Variants in ABCA1 observed in about 807,000 individuals in gnomAD.
ABCA1 encodes ATP binding cassette subfamily A member 1.
Under a neutral mutation model 262.5 loss-of-function variants are expected in ABCA1, and 133 were observed. The observed-to-expected ratio is 0.51, with a 90% CI of 0.44 to 0.59. The LOEUF (loss-of-function observed/expected upper bound fraction) is 0.59. ABCA1 is among the 20% of genes least tolerant of loss of function. The probability of loss-of-function intolerance (pLI) is 0.00; values close to 1 mark genes in which losing one functional copy is unlikely to be tolerated. For synonymous variants in ABCA1, 1,022 were observed against 1,043.5 expected (o/e 0.98, Z 0.40); for missense variants, 2,452 against 2,777.5 (o/e 0.88, Z 2.63).
intron 24 of ABCA1, 58 bp from the exon 25 acceptor site, chr9:104,816,403 G>A (rs979442969): frequency 6.5e-5 from 100 of 1,542,822 alleles, no homozygotes; most frequent in Middle Eastern, 2.3e-4. Flanking sequence ...TCGGAGTGAG[G>A]GCTGGCCATC....
At chr9:104,896,448 T>C (rs1229008812) in intron 2 of ABCA1, among the ~76,000 whole-genome samples, 1 of 152,170 alleles carries the variant, frequency 6.6e-6, no homozygotes, top group Admixed American at 6.5e-5. Context: ...CAAGCTAATT[T>C]ATAGATTTAA....
Position 104,837,000 on chromosome 9 carries a change from G to C in ABCA1, c.1291C>G (p.Gln431Glu), listed in dbSNP as rs779133281. 10 of 1,613,840 alleles carry C rather than the reference G, an allele frequency of 6.2e-6. No homozygotes were observed. The highest frequency in any genetic ancestry group is 2.2e-5 in the South Asian group (2 of 91,072). ...CTCACCCGGACAAGGTCCATTTCTT[G>C]GCTGTTCTCCATGAAGGTCCAGATC... The part of the protein sequence containing the change: ...PKIWTFMENS[Q>E]EMDLVRMLLD... Residue 431 changes from glutamine (Q) to glutamate (E), a missense_variant, in exon 11 of 50, where the codon CAA (glutamine) becomes GAA (glutamate). Physicochemically the swap from Gln to Glu is conservative, Grantham distance 29 (BLOSUM62 2). Transcript: ENST00000374736.
intron 36 of ABCA1, chr9:104,799,301 T>C (rs1381063726): frequency 5.4e-6 from 2 of 371,046 alleles, no homozygotes; most frequent in African/African-American, 2.2e-5. Context: ...TTTAATATCA[T>C]ACATCTATAA....
Position 104,809,577 on chromosome 9 carries a change from G to A in ABCA1, c.4176-13C>T. On this transcript the variant is annotated splice_polypyrimidine_tract_variant and intron_variant, in intron 29 of 49. Transcript: ENST00000374736. The stretch of plus-strand genomic sequence containing the variant: ...AGGAGCATCATTGCTGTGGGTACAT[G>A]AGAGGCAGCCAGCTTAGTAATTCAT... 1 of 1,607,436 alleles carries A rather than the reference G, an allele frequency of 6.2e-7. No homozygotes were observed. Among genetic ancestry groups the A allele is most frequent in the Non-Finnish European group, 8.5e-7 (1 of 1,173,848 alleles).
chr9:104,881,654 C>T lies in ABCA1; in HGVS notation c.421+1385G>A, dbSNP rs558049088. On this transcript the variant is annotated intron_variant, in intron 5 of 49. Coordinates refer to ENST00000374736, the MANE Select transcript of ABCA1 (RefSeq NM_005502.4). Reference sequence around the variant, plus strand: ...TATGCTAGCACTTTCCTCTGCACCACGCTGTCTCTTGCTACAGAGGTAAAG... The same window carrying T: ...TATGCTAGCACTTTCCTCTGCACCATGCTGTCTCTTGCTACAGAGGTAAAG... Among the ~76,000 whole-genome samples, 17 of 152,316 alleles carry T rather than the reference C, an allele frequency of 1.1e-4. 1 individual carries two copies. The highest frequency in any genetic ancestry group is 3.1e-4 in the African/African-American group (13 of 41,564).
chr9:104,903,851 C>A lies in ABCA1; in HGVS notation c.-92-80G>T. ...CACCAATGAGGACTGCTAATCCAGC[C>A]CTCTCAGCTGAGACCTCCAACACAC... is the stretch of plus-strand genomic sequence containing the variant. On this transcript the variant is annotated intron_variant, in intron 1 of 49. Transcript: ENST00000374736. 3 of 670,212 alleles carry A rather than the reference C, an allele frequency of 4.5e-6. No homozygotes were observed. In the South Asian group the frequency reaches 5.0e-5, roughly 11 times the overall value. 41.5% of individuals were successfully genotyped at this position (670,212 alleles called of 1,614,324 possible). A position where few individuals can be genotyped will look rare whatever the true frequency, so the allele number is the denominator to read the frequency against.
In ABCA1 at chr9:104,860,624, C is replaced by A. The variant is rs1836285030; in HGVS notation, c.543+1055G>T. 3.3e-5 allele frequency among the ~76,000 whole-genome samples: 5 copies of A among 152,196 alleles called. No homozygotes were observed. In the South Asian group the frequency reaches 1.0e-3, roughly 32 times the overall value. On this transcript the variant is annotated intron_variant, in intron 6 of 49. Coordinates refer to ENST00000374736, the MANE Select transcript of ABCA1 (RefSeq NM_005502.4). ...AAAAGTGTCTCTGAAAAATCAATAA[C>A]CATGCAAGCTGGGTCTGGTGCTACC...
intron 5 of ABCA1, among the ~76,000 whole-genome samples, chr9:104,871,684 G>A (rs1223868845): frequency 6.6e-6 from 1 of 152,192 alleles, no homozygotes; most frequent in Non-Finnish European, 1.5e-5. Context: ...GAAGACCAGA[G>A]AGGCAGAAAA....
At chr9:104,796,000 C>T in intron 39 of ABCA1, 53 bp downstream of exon 39, 1 of 1,610,790 alleles carries the variant, frequency 6.2e-7, no homozygotes. Context: ...ACACTGTCCT[C>T]TGGCTCCCAG....
chr9:104,880,542 A>G (rs1437729382), intron 5 of ABCA1, among the ~76,000 whole-genome samples: 1 of 151,960 alleles, frequency 6.6e-6, no homozygotes, highest in African/African-American at 2.4e-5. Context: ...AAATTTAAAC[A>G]AATAAAATAA....
At chr9:104,829,221 G>C in intron 14 of ABCA1, 83 bp from the exon 15 acceptor site, 1 of 1,352,422 alleles carries the variant, frequency 7.4e-7, no homozygotes, top group Non-Finnish European at 1.0e-6. Context: ...GAGCCTGCAT[G>C]CTAGAGGGAG....
At chr9:104,872,884 A>G (rs1282233961) in intron 5 of ABCA1, among the ~76,000 whole-genome samples, 2 of 152,264 alleles carry the variant, frequency 1.3e-5, no homozygotes, top group African/African-American at 2.4e-5. Flanking sequence ...GGGGATACAC[A>G]CTATTCTGTA....
At chr9:104,824,286 C>T (rs1832630079) in intron 18 of ABCA1, among the ~76,000 whole-genome samples, 179 bp downstream of exon 18, 1 of 152,176 alleles carries the variant, frequency 6.6e-6, no homozygotes, top group African/African-American at 2.4e-5. Context: ...CCCAATAGGT[C>T]AACAGCATTG....
At chr9:104,888,560 G>A (rs2118324612) in intron 3 of ABCA1, among the ~76,000 whole-genome samples, 1 of 152,316 alleles carries the variant, frequency 6.6e-6, no homozygotes, top group South Asian at 2.1e-4. Context: ...GACATCTGGA[G>A]CCTGTGTTGT....
intron 25 of ABCA1, 62 bp from the exon 26 acceptor site, chr9:104,814,537 C>T (rs867047022): frequency 6.8e-7 from 1 of 1,470,344 alleles, no homozygotes; most frequent in Non-Finnish European, 9.5e-7. Context: ...GTCACCACTG[C>T]CACGATTATT....
intron 5 of ABCA1, among the ~76,000 whole-genome samples, chr9:104,876,388 C>A (rs1838169030): frequency 6.6e-6 from 1 of 152,136 alleles, no homozygotes; most frequent in Non-Finnish European, 1.5e-5. Context: ...ATATGCACTT[C>A]CCAACTATGA....
At chr9:104,801,651 C>T (rs1279336380) in intron 34 of ABCA1, among the ~76,000 whole-genome samples, 2 of 152,130 alleles carry the variant, frequency 1.3e-5, no homozygotes, top group African/African-American at 4.8e-5. Flanking sequence ...AAGCAATTCT[C>T]CTGCCTCAGC....
chr9:104,917,206 G>A (rs1044607886), intron 1 of ABCA1, among the ~76,000 whole-genome samples: 4 of 152,188 alleles, frequency 2.6e-5, no homozygotes, highest in Non-Finnish European at 5.9e-5. Flanking sequence ...TCTGCCATTA[G>A]CCAAATATGG....
intron 6 of ABCA1, among the ~76,000 whole-genome samples, chr9:104,859,791 C>G (rs1293732403): frequency 6.6e-6 from 1 of 152,176 alleles, no homozygotes; most frequent in Non-Finnish European, 1.5e-5. Context: ...TGGGTCATGT[C>G]TGTAATTCCA....
Sources: gnomAD v4.1 joint callset for allele counts (sites outside exome capture counted in the v4.1 genomes callset) on GRCh38, gnomAD v4.1.1 for gene constraint, MANE v1.5 for transcripts, NCBI Gene and HGNC (gene_info 2026-07-23, HGNC 2026-07-21) for gene names.